Variants in PDE11A observed in about 807,000 individuals in gnomAD.
The protein encoded by PDE11A is phosphodiesterase 11A, also known as dual 3',5'-cyclic-AMP and -GMP phosphodiesterase 11A.
A neutral mutation model predicts 100.5 loss-of-function variants in PDE11A; 100 were observed. That is an observed-to-expected ratio of 1.00 (90% CI 0.85 to 1.18). The LOEUF is 1.18. Ranked by LOEUF, PDE11A falls within the 50% of genes most tolerant of loss-of-function variation. The pLI is 0.00. For missense variants in PDE11A, 1,141 were observed against 1,152.6 expected, an observed-to-expected ratio of 0.99 and a Z score of 0.15; for synonymous variants, 381 against 420.8, an observed-to-expected ratio of 0.91 and a Z score of 1.16.
At chr2:177,635,122 A>C (rs1238032362) in intron 19 of PDE11A, among the ~76,000 whole-genome samples, 1 of 152,196 alleles carries the variant, frequency 6.6e-6, no homozygotes, top group Admixed American at 6.5e-5. Flanking sequence ...AGGGGAGTCC[A>C]TTTAGTTTTT....
At chr2:177,985,769 A>G (rs2085932000) in intron 2 of PDE11A, among the ~76,000 whole-genome samples, 1 of 152,266 alleles carries the variant, frequency 6.6e-6, no homozygotes, top group Admixed American at 6.5e-5. Flanking sequence ...AAGAATTGAT[A>G]CAGTACAAAG....
At chr2:177,695,643 A>G (rs139583445) in intron 15 of PDE11A, among the ~76,000 whole-genome samples, 36 of 152,226 alleles carry the variant, frequency 2.4e-4, no homozygotes, top group African/African-American at 8.7e-4. Flanking sequence ...GCCTCTCCTC[A>G]GTTCAGAGCT....
intron 1 of PDE11A, among the ~76,000 whole-genome samples, chr2:178,105,951 G>A (rs1209629627): frequency 6.6e-6 from 1 of 152,166 alleles, no homozygotes; most frequent in Admixed American, 6.5e-5. Context: ...GAGTGCAAGG[G>A]AGATGGGGTT....
chr2:177,857,843 G>A (rs115046245), intron 5 of PDE11A, among the ~76,000 whole-genome samples: 1,607 of 151,992 alleles, frequency 0.011, 43 homozygotes, highest in African/African-American at 0.037. Context: ...AATGGAAAAA[G>A]TATATATATT....
intron 2 of PDE11A, among the ~76,000 whole-genome samples, chr2:177,964,020 T>A (rs1438205216): frequency 2.0e-5 from 3 of 152,204 alleles, no homozygotes; most frequent in East Asian, 3.8e-4. Flanking sequence ...ATAGAGAAGA[T>A]CCTCAATAAT....
intron 1 of PDE11A, among the ~76,000 whole-genome samples, chr2:178,028,517 G>C (rs541410631): frequency 3.9e-5 from 6 of 152,246 alleles, no homozygotes; most frequent in African/African-American, 1.4e-4. Context: ...TTGTGAGTAG[G>C]AGCCCTCTAG....
At chr2:177,947,041 C>T (rs1186762195) in intron 2 of PDE11A, among the ~76,000 whole-genome samples, 11 of 113,462 alleles carry the variant, frequency 9.7e-5, no homozygotes, top group Non-Finnish European at 1.7e-4. Flanking sequence ...CCCGGCCAGC[C>T]GCCCCGTCCG....
intron 1 of PDE11A, among the ~76,000 whole-genome samples, chr2:178,020,924 GGTGTGTGTGTGTGTGTGTGT>G (rs532087273): frequency 4.9e-4 from 62 of 125,790 alleles, no homozygotes; most frequent in East Asian, 3.6e-3. Flanking sequence ...TTTTTGTCTT[GGTGTGTGTGTGTGTGTGTGT>G]GTGTGTGTGT....
chr2:178,072,839 G>A (rs746876977), upstream of PDE11A: 46 of 1,180,158 alleles, frequency 3.9e-5, no homozygotes, highest in Non-Finnish European at 4.6e-5. Flanking sequence ...GAGGCACGGA[G>A]CCTGGAGGGA....
intron 1 of PDE11A, among the ~76,000 whole-genome samples, chr2:178,107,487 T>A (rs552412152): frequency 6.6e-6 from 1 of 151,168 alleles, no homozygotes; most frequent in South Asian, 2.1e-4. Flanking sequence ...AGCAAACATT[T>A]GTATGTGCTT....
intron 2 of PDE11A, among the ~76,000 whole-genome samples, chr2:177,905,755 C>T (rs2084776416): frequency 6.6e-6 from 1 of 152,224 alleles, no homozygotes; most frequent in Non-Finnish European, 1.5e-5. Context: ...TGGCAGCCTT[C>T]TGCGACAGAG....
intron 9 of PDE11A, among the ~76,000 whole-genome samples, chr2:177,805,063 C>T (rs965256330): frequency 6.8e-6 from 1 of 147,506 alleles, no homozygotes; most frequent in Non-Finnish European, 1.5e-5. Flanking sequence ...TGCACTTGTA[C>T]TCCCTAAATA....
chr2:178,071,116 A>T (rs921887791), intron 1 of PDE11A, among the ~76,000 whole-genome samples: 15 of 152,202 alleles, frequency 9.9e-5, no homozygotes, highest in African/African-American at 3.6e-4. Context: ...GACACCAAAG[A>T]CACCAAAATG....
At chr2:177,838,556 G>C (rs2083440636) in intron 6 of PDE11A, among the ~76,000 whole-genome samples, 1 of 152,088 alleles carries the variant, frequency 6.6e-6, no homozygotes, top group South Asian at 2.1e-4. Flanking sequence ...ACTGCTTCCT[G>C]CTGACAGGGG....
chr2:177,923,149 T>G lies in PDE11A; in HGVS notation c.1072-17962A>C, dbSNP rs546771891. Among the ~76,000 whole-genome samples, 35 of 151,776 alleles carry G rather than the reference T, an allele frequency of 2.3e-4. No homozygotes were observed. The South Asian group carries it at 6.6e-3, about 29-fold the overall frequency. ...ATGCAGTACTTTTATATTAAATATT[T>G]TTAATTTATTAATTTATTATTTATT... is the stretch of plus-strand genomic sequence containing the variant. On this transcript the variant is annotated intron_variant, in intron 2 of 19. Coordinates refer to ENST00000286063, the MANE Select transcript of PDE11A (RefSeq NM_016953.4).
chr2:177,815,830 T>A (rs2083029237), intron 9 of PDE11A, among the ~76,000 whole-genome samples: 1 of 152,238 alleles, frequency 6.6e-6, no homozygotes, highest in African/African-American at 2.4e-5. Flanking sequence ...TATATCATAC[T>A]CTTCTATATA....
chr2:177,991,124 G>T (rs541710921), intron 2 of PDE11A, among the ~76,000 whole-genome samples: 1 of 150,638 alleles, frequency 6.6e-6, no homozygotes, highest in South Asian at 2.1e-4. Flanking sequence ...AGGAGTTCGA[G>T]ATTAGCCTGG....
chr2:177,863,599 A>T (rs922456245), intron 5 of PDE11A, among the ~76,000 whole-genome samples: 1 of 152,086 alleles, frequency 6.6e-6, no homozygotes. Flanking sequence ...CATTATCAAC[A>T]TCATTAATCA....
At chr2:177,848,342 T>A (rs977113048) in intron 5 of PDE11A, among the ~76,000 whole-genome samples, 4 of 152,230 alleles carry the variant, frequency 2.6e-5, no homozygotes, top group African/African-American at 9.6e-5. Context: ...CACCTGAACT[T>A]CAGTGAAACT....
Sources: gnomAD v4.1 joint callset for allele counts (sites outside exome capture counted in the v4.1 genomes callset) on GRCh38, gnomAD v4.1.1 for gene constraint, MANE v1.5 for transcripts, NCBI Gene and HGNC (gene_info 2026-07-23, HGNC 2026-07-21) for gene names.